KATNIP: variants seen among roughly 807,000 people sequenced by gnomAD.
The protein encoded by KATNIP is katanin-interacting protein.
Under a neutral mutation model 174.0 loss-of-function variants are expected in KATNIP, and 126 were observed. The observed-to-expected ratio is 0.72, with a 90% confidence interval of 0.63 to 0.84. The LOEUF (loss-of-function observed/expected upper bound fraction) is 0.84, where lower values mean the gene tolerates loss of function less well. Among genes scored for constraint, KATNIP ranks in the 40% least tolerant of loss-of-function variants. The pLI is 0.00. For synonymous variants in KATNIP, 810 were observed against 835.7 expected (o/e 0.97, Z 0.53); for missense variants, 1,958 against 2,109.7 (o/e 0.93, Z 1.41).
At chr16:27,622,034 G>A (rs530000273) in intron 3 of KATNIP, among the ~76,000 whole-genome samples, 2 of 152,184 alleles carry the variant, frequency 1.3e-5, no homozygotes, top group East Asian at 1.9e-4. Context: ...TCTACTGGCC[G>A]TTCCTTGGCC....
chr16:27,756,484 C>T (rs997036777), intron 18 of KATNIP, among the ~76,000 whole-genome samples: 2 of 152,200 alleles, frequency 1.3e-5, no homozygotes, highest in African/African-American at 2.4e-5. Context: ...TAAGGTCACA[C>T]GGCCAGTACG....
intron 14 of KATNIP, among the ~76,000 whole-genome samples, chr16:27,728,481 A>C (rs1023450488): frequency 2.6e-5 from 4 of 152,170 alleles, no homozygotes; most frequent in African/African-American, 9.7e-5. Context: ...CCCAGGCTGG[A>C]GTGCAGTGGC....
rs756544472 is a variant in KATNIP, at chr16:27,615,251, C to T, written c.64-3174C>T. ...TCAAGCCATCCTCCTGTCTCAGCCTCCCGAGCAGCTGGGAATACAGGCATG... is the reference window on the plus strand; with the variant it reads ...TCAAGCCATCCTCCTGTCTCAGCCTTCCGAGCAGCTGGGAATACAGGCATG... On this transcript the variant is annotated intron_variant, in intron 2 of 27. Coordinates refer to ENST00000261588, the MANE Select transcript of KATNIP (RefSeq NM_015202.5). 4.0e-4 allele frequency among the ~76,000 whole-genome samples: 60 copies of T among 151,396 alleles called. 1 individual carries two copies. The highest frequency in any genetic ancestry group is 8.0e-4 in the Non-Finnish European group (54 of 67,914).
At chr16:27,632,546 G>A (rs1273290369) in intron 5 of KATNIP, 6 of 439,320 alleles carry the variant, frequency 1.4e-5, no homozygotes, top group African/African-American at 6.0e-5. Flanking sequence ...AAGGCGAATC[G>A]GGAGACACGG....
intron 6 of KATNIP, among the ~76,000 whole-genome samples, chr16:27,654,144 T>C (rs2142388722): frequency 6.6e-6 from 1 of 152,228 alleles, no homozygotes; most frequent in South Asian, 2.1e-4. Context: ...CCTGGCTAAT[T>C]TTTGAATTTT....
intron 6 of KATNIP, among the ~76,000 whole-genome samples, chr16:27,673,148 A>G (rs1264700878): frequency 2.0e-5 from 3 of 152,184 alleles, no homozygotes; most frequent in African/African-American, 7.2e-5. Context: ...CAAGCATAAG[A>G]GCCAATAGGC....
In KATNIP at chr16:27,751,611, AG is replaced by A. The variant is rs879233283; in HGVS notation, c.3347-105del. 1.0e-5 allele frequency: 10 copies of A among 967,558 alleles called. No individual in the cohort carries two copies. The South Asian group carries it at 1.5e-4, about 15-fold the overall frequency. The allele number at this position is 967,558 out of a possible 1,614,324, so 59.9% of individuals were successfully genotyped here. A position where few individuals can be genotyped will look rare whatever the true frequency, so the allele number is the denominator to read the frequency against. ...GGCTCACACTAATCAATACCAGTTA[AG>A]GGTGTGGGGTTGTACAGCACAGAAG... On this transcript the variant is annotated intron_variant, in intron 16 of 27. Coordinates refer to ENST00000261588, the MANE Select transcript of KATNIP (RefSeq NM_015202.5).
At chr16:27,744,613 T>C (rs1178957764) in intron 15 of KATNIP, among the ~76,000 whole-genome samples, 6 of 146,672 alleles carry the variant, frequency 4.1e-5, no homozygotes, top group Non-Finnish European at 9.0e-5. Flanking sequence ...CTGGGCACAG[T>C]GGCTGTTGCC....
intron 14 of KATNIP, among the ~76,000 whole-genome samples, chr16:27,736,982 A>AGAGGGGAC (rs58173182): frequency 0.18 from 27,737 of 151,848 alleles, 2,888 homozygotes; most frequent in African/African-American, 0.29. Context: ...TGAGAAAGTG[A>AGAGGGGAC]GAGGGGACGA....
chr16:27,739,856 T>G (rs1277174947), intron 14 of KATNIP, among the ~76,000 whole-genome samples, 185 bp from the exon 15 acceptor site: 2 of 152,166 alleles, frequency 1.3e-5, no homozygotes, highest in African/African-American at 2.4e-5. Context: ...ATTTATAGAG[T>G]ATGTAGCGGT....
intron 6 of KATNIP, among the ~76,000 whole-genome samples, chr16:27,676,807 C>G (rs2078134639): frequency 6.6e-6 from 1 of 152,078 alleles, no homozygotes; most frequent in South Asian, 2.1e-4. Flanking sequence ...GTAGCTGGGA[C>G]TACAGGCATG....
intron 2 of KATNIP, among the ~76,000 whole-genome samples, chr16:27,612,773 A>G (rs1450453945): frequency 6.6e-6 from 1 of 151,692 alleles, no homozygotes; most frequent in Non-Finnish European, 1.5e-5. Flanking sequence ...AGAAAAAAAA[A>G]AGAAATGCAG....
At chr16:27,644,443 T>G (rs1252400727) in intron 5 of KATNIP, 2 of 152,138 alleles carry the variant, frequency 1.3e-5, no homozygotes, top group African/African-American at 4.8e-5. Context: ...ACGGAGACCT[T>G]GTCTCTCAAT....
intron 13 of KATNIP, among the ~76,000 whole-genome samples, chr16:27,711,689 G>A (rs984699213): frequency 6.6e-6 from 1 of 152,186 alleles, no homozygotes; most frequent in African/African-American, 2.4e-5. Flanking sequence ...CTTAGAAAAG[G>A]TGTAATATAT....
chr16:27,691,575 G>A (rs1208859373), intron 8 of KATNIP, among the ~76,000 whole-genome samples: 1 of 152,244 alleles, frequency 6.6e-6, no homozygotes, highest in Non-Finnish European at 1.5e-5. Flanking sequence ...CGTGTGTGCG[G>A]TGTGAGGGAG....
At chr16:27,598,018 G>A (rs960110375) in intron 2 of KATNIP, among the ~76,000 whole-genome samples, 1 of 152,068 alleles carries the variant, frequency 6.6e-6, no homozygotes, top group Non-Finnish European at 1.5e-5. Context: ...GTCTGAGCTC[G>A]GAAGTTCAAG....
At chr16:27,774,865 G>A (rs1331156410) in intron 23 of KATNIP, 80 bp from the exon 24 acceptor site, 17 of 1,557,410 alleles carry the variant, frequency 1.1e-5, no homozygotes, top group African/African-American at 2.7e-5. Flanking sequence ...AGAGTCCCCC[G>A]AGCCACGCCA....
chr16:27,625,793 C>T (rs1031156321), intron 3 of KATNIP, among the ~76,000 whole-genome samples: 1 of 152,136 alleles, frequency 6.6e-6, no homozygotes, highest in African/African-American at 2.4e-5. Flanking sequence ...AGTTTTCCAA[C>T]ATTACCTTTA....
intron 5 of KATNIP, chr16:27,632,393 C>A: frequency 3.3e-6 from 1 of 303,726 alleles, no homozygotes; most frequent in Admixed American, 3.8e-5. Flanking sequence ...ATTCAGTAAG[C>A]TGTAGGAGGA....
Sources: gnomAD v4.1 joint callset for allele counts (sites outside exome capture counted in the v4.1 genomes callset) on GRCh38, gnomAD v4.1.1 for gene constraint, MANE v1.5 for transcripts, NCBI Gene and HGNC (gene_info 2026-07-23, HGNC 2026-07-21) for gene names.